Variants in SLC17A5 observed in about 807,000 individuals in gnomAD.
SLC17A5 encodes sialin.
Under a neutral mutation model 59.4 loss-of-function variants are expected in SLC17A5, and 47 were observed. That is an observed-to-expected ratio of 0.79 (90% CI 0.63 to 1.01). The LOEUF (loss-of-function observed/expected upper bound fraction) is 1.01, where lower values mean the gene tolerates loss of function less well. Among genes scored for constraint, SLC17A5 ranks in the 50% least tolerant of loss-of-function variants. The pLI is 0.00. For missense variants in SLC17A5, 522 were observed against 595.5 expected (o/e 0.88, Z 1.28); for synonymous variants, 202 against 210.7 (o/e 0.96, Z 0.36).
At chr6:73,649,084 A>G (rs1308166572) in intron 1 of SLC17A5, among the ~76,000 whole-genome samples, 1 of 151,024 alleles carries the variant, frequency 6.6e-6, no homozygotes, top group African/African-American at 2.4e-5. Flanking sequence ...TGCAACCTCC[A>G]TCTTCCAGGT....
At chr6:73,641,500 C>T (rs1769282866) in intron 3 of SLC17A5, among the ~76,000 whole-genome samples, 191 bp downstream of exon 3, 1 of 152,170 alleles carries the variant, frequency 6.6e-6, no homozygotes, top group Non-Finnish European at 1.5e-5. Flanking sequence ...GGTGCTCCTA[C>T]TAGAGACCTC....
intron 9 of SLC17A5, among the ~76,000 whole-genome samples, 194 bp from the exon 10 acceptor site, chr6:73,600,635 G>A (rs1307482538): frequency 1.3e-5 from 2 of 151,810 alleles, no homozygotes; most frequent in Non-Finnish European, 2.9e-5. Flanking sequence ...CTGAGTAGCG[G>A]GGACTACAGG....
At chr6:73,600,227 T>C (rs1766992690) in intron 10 of SLC17A5, 124 bp downstream of exon 10, 1 of 802,182 alleles carries the variant, frequency 1.2e-6, no homozygotes, top group Non-Finnish European at 2.1e-6. Context: ...CATTTAGCTT[T>C]TTGTTGCTAA....
At chr6:73,602,083 G>C (rs1369146721) in intron 9 of SLC17A5, among the ~76,000 whole-genome samples, 1 of 151,948 alleles carries the variant, frequency 6.6e-6, no homozygotes, top group Middle Eastern at 3.2e-3. Context: ...TTTTCATTTT[G>C]TTCTGTACTA....
At position 73,639,114 on chromosome 6, in the gene SLC17A5, CTTCTTT is replaced by C. The variant is rs539918541; in HGVS notation, c.526-621_526-616del. Among the ~76,000 whole-genome samples the C allele has an allele frequency of 3.4e-3, 517 of 152,232 alleles. 3 individuals carry two copies. The highest frequency in any genetic ancestry group is 0.012 in the African/African-American group (495 of 41,562). On this transcript the variant is annotated intron_variant, in intron 3 of 10. Coordinates refer to ENST00000355773, the MANE Select transcript of SLC17A5 (RefSeq NM_012434.5). Reference sequence around the variant, plus strand: ...TTCAATTAGCATGTTTACAGCCTTTCTTCTTTTTTTTCCTGTGATAACAAGCCTAGT... The same window carrying C: ...TTCAATTAGCATGTTTACAGCCTTTCTTTTTCCTGTGATAACAAGCCTAGT...
chr6:73,620,862 C>T (rs1768108587), intron 7 of SLC17A5, among the ~76,000 whole-genome samples: 1 of 151,944 alleles, frequency 6.6e-6, no homozygotes, highest in Non-Finnish European at 1.5e-5. Flanking sequence ...GCTGGGATTA[C>T]AGGTGTAGGC....
In SLC17A5 at chr6:73,607,869, C is replaced by A. The variant is rs183717329; in HGVS notation, c.1259+2531G>T. On this transcript the variant is annotated intron_variant, in intron 9 of 10. Coordinates refer to ENST00000355773, the MANE Select transcript of SLC17A5 (RefSeq NM_012434.5). ...TTGGCTCACAGCAACCTCTGCCTCC[C>A]GGGTTCAAGCGATTCTCCTGCCTCA... Among the ~76,000 whole-genome samples the A allele has an allele frequency of 7.9e-4, 120 of 151,170 alleles. 1 individual carries two copies. The highest frequency in any genetic ancestry group is 1.2e-3 in the Non-Finnish European group (83 of 67,844).
At chr6:73,604,636 C>T (rs553736430) in intron 9 of SLC17A5, among the ~76,000 whole-genome samples, 4 of 151,164 alleles carry the variant, frequency 2.6e-5, no homozygotes, top group African/African-American at 7.3e-5. Flanking sequence ...GCTGTAGACC[C>T]GCTCGCTACT....
chr6:73,628,340 C>CA (rs1248038764), intron 6 of SLC17A5, among the ~76,000 whole-genome samples: 1 of 152,148 alleles, frequency 6.6e-6, no homozygotes, highest in African/African-American at 2.4e-5. Flanking sequence ...GAGGCCAAGG[C>CA]AGGCGGATCA....
chr6:73,616,580 C>CACACACACACACACACA (rs60454712), intron 7 of SLC17A5, among the ~76,000 whole-genome samples: 2 of 100,082 alleles, frequency 2.0e-5, no homozygotes, highest in Admixed American at 8.8e-5. Flanking sequence ...CACACACACA[C>CACACACACACACACACA]GTTTATTTTT....
At chr6:73,628,291 C>G (rs1218051122) in intron 6 of SLC17A5, among the ~76,000 whole-genome samples, 2 of 152,122 alleles carry the variant, frequency 1.3e-5, no homozygotes, top group African/African-American at 4.8e-5. Flanking sequence ...ATATGCGTGG[C>G]TGGGCGTGGT....
intron 7 of SLC17A5, among the ~76,000 whole-genome samples, chr6:73,618,083 G>A (rs1052243496): frequency 2.6e-5 from 4 of 151,558 alleles, no homozygotes; most frequent in Non-Finnish European, 5.9e-5. Context: ...AAAAAATTTA[G>A]CCAGGTGTGG....
At chr6:73,628,540 C>T (rs1291766901) in intron 6 of SLC17A5, among the ~76,000 whole-genome samples, 1 of 152,130 alleles carries the variant, frequency 6.6e-6, no homozygotes, top group East Asian at 1.9e-4. Flanking sequence ...CACTGCTCTC[C>T]AGCTTGGGGA....
chr6:73,635,104 A>G, intron 6 of SLC17A5: 1 of 177,816 alleles, frequency 5.6e-6, no homozygotes, highest in Non-Finnish European at 1.2e-5. Context: ...TTTTTTTTAA[A>G]TATTTTAAAT....
chr6:73,643,860 A>G (rs1385649160), intron 2 of SLC17A5, among the ~76,000 whole-genome samples: 3 of 152,240 alleles, frequency 2.0e-5, no homozygotes, highest in Non-Finnish European at 4.4e-5. Context: ...TGAAGTATAT[A>G]TAACTTAATT....
chr6:73,600,709 C>T (rs1767020627), intron 9 of SLC17A5, among the ~76,000 whole-genome samples: 1 of 151,844 alleles, frequency 6.6e-6, no homozygotes, highest in South Asian at 2.1e-4. Context: ...CCATGTTGGC[C>T]AGGCTGCTCT....
chr6:73,632,071 A>G (rs1156834641), intron 6 of SLC17A5, among the ~76,000 whole-genome samples: 1 of 127,440 alleles, frequency 7.8e-6, no homozygotes, highest in Non-Finnish European at 1.8e-5. Flanking sequence ...TGGGAGTCTT[A>G]GGCAGGAAGA....
chr6:73,636,783 C>T, intron 4 of SLC17A5, 76 bp from the exon 5 acceptor site: 4 of 1,071,100 alleles, frequency 3.7e-6, no homozygotes, highest in South Asian at 1.3e-5. Flanking sequence ...CTACTGCTTA[C>T]AGAGGATGGG....
intron 6 of SLC17A5, among the ~76,000 whole-genome samples, chr6:73,633,598 G>T (rs929938674): frequency 6.6e-6 from 1 of 151,804 alleles, no homozygotes; most frequent in Non-Finnish European, 1.5e-5. Context: ...TCAATCTTGG[G>T]CTAGGCACAG....
Sources: allele counts gnomAD v4.1 joint callset (sites outside exome capture counted in the v4.1 genomes callset), GRCh38; gene constraint gnomAD v4.1.1; transcripts MANE v1.5; gene names NCBI Gene and HGNC (gene_info 2026-07-23, HGNC 2026-07-21).